The following CYP19A1 variants were observed in gnomAD, a reference collection of about 807,000 sequenced individuals.
CYP19A1 encodes the protein aromatase.
In CYP19A1, 32 loss-of-function variants were observed where a neutral mutation model predicts 44.4. The ratio of observed to expected loss-of-function variants is 0.72; its 90% CI spans 0.54 to 0.97. The LOEUF is 0.97. Among genes scored for constraint, CYP19A1 ranks in the 50% least tolerant of loss-of-function variants. The pLI is 0.00. For missense variants in CYP19A1, 598 were observed against 637.8 expected (o/e 0.94, Z 0.67); for synonymous variants, 212 against 215.6 (o/e 0.98, Z 0.14).
intron 1 of CYP19A1, among the ~76,000 whole-genome samples, chr15:51,310,478 G>C (rs1292747158): frequency 6.6e-6 from 1 of 152,176 alleles, no homozygotes; most frequent in Non-Finnish European, 1.5e-5. Context: ...AAAGTGTGGG[G>C]AAAATCTTTG....
chr15:51,218,580 A>C lies in CYP19A1; in HGVS notation c.704T>G (p.Phe235Cys). 6.2e-7 allele frequency: 1 copy of C among 1,613,852 alleles called. No individual in the cohort carries two copies. Residue 235 changes from phenylalanine (F) to cysteine (C), a missense_variant, in exon 6 of 10, where the codon TTT becomes TGT. Phe to Cys is a radical substitution (Grantham distance 205). Coordinates refer to ENST00000396402, the MANE Select transcript of CYP19A1 (RefSeq NM_000103.4). The stretch of plus-strand genomic sequence containing the variant: ...CTTTTTGTATAGCCAAGAAATCTTA[A>C]AGAAGATGTCTGGTTTGATGAGGAG... ...QALLIKPDIF[F>C]KISWLYKKYE... is the part of the protein sequence containing the mutation.
At position 51,242,939 on chromosome 15, in the gene CYP19A1, C is replaced by A; in HGVS notation, c.-27G>T. On this transcript the variant is annotated 5_prime_UTR_variant, in exon 2 of 10. Coordinates refer to ENST00000396402, the MANE Select transcript of CYP19A1 (RefSeq NM_000103.4). ...TTGTGTTCCTTGACCTCAGAGGGGG[C>A]AATTTAGAGTCCTGTGGAAATCAAA... 1 of 1,557,958 alleles carries A rather than the reference C, an allele frequency of 6.4e-7. No individual in the cohort carries two copies. The highest frequency in any genetic ancestry group is 1.4e-5 in the African/African-American group (1 of 73,904).
chr15:51,332,040 C>T (rs1265622341), intron 1 of CYP19A1, among the ~76,000 whole-genome samples: 1 of 152,008 alleles, frequency 6.6e-6, no homozygotes, highest in Non-Finnish European at 1.5e-5. Context: ...TAATTCTATT[C>T]ACATTTAATA....
rs1412429147 is a variant in CYP19A1 at position 51,216,073 on chromosome 15, G to A, written c.744-256C>T. 2.2e-5 allele frequency: 13 copies of A among 586,460 alleles called. No homozygotes were observed. In the East Asian group the frequency reaches 5.4e-4, roughly 24 times the overall value. 36.3% of individuals were successfully genotyped at this position (586,460 alleles called of 1,614,324 possible). On this transcript the variant is annotated intron_variant, in intron 6 of 9. Transcript: ENST00000396402. Reference sequence around the variant, plus strand: ...AATCAAGCCTGTGACTTCTAGTTAAGGGTTAAAAATTGATATCAAAAGGCT... The same window carrying A: ...AATCAAGCCTGTGACTTCTAGTTAAAGGTTAAAAATTGATATCAAAAGGCT...
intron 1 of CYP19A1, among the ~76,000 whole-genome samples, chr15:51,327,488 T>C (rs2036629316): frequency 6.6e-6 from 1 of 152,124 alleles, no homozygotes; most frequent in African/African-American, 2.4e-5. Flanking sequence ...CATTTGACAT[T>C]GTTCTTTTTT....
chr15:51,221,917 A>C (rs781676281), intron 5 of CYP19A1: 78 of 198,492 alleles, frequency 3.9e-4, no homozygotes, highest in Non-Finnish European at 6.8e-4. Context: ...CAATGTTTTC[A>C]TGTTTAGTAG....
intron 1 of CYP19A1, among the ~76,000 whole-genome samples, chr15:51,283,946 TC>T (rs1412182175): frequency 2.0e-5 from 3 of 152,106 alleles, no homozygotes; most frequent in African/African-American, 7.2e-5. Context: ...CCAAAAAAGG[TC>T]CCTACGGGAG....
chr15:51,214,044 C>T (rs553900267), intron 8 of CYP19A1, among the ~76,000 whole-genome samples: 6 of 152,286 alleles, frequency 3.9e-5, no homozygotes, highest in South Asian at 4.1e-4. Context: ...TTTAACCCTT[C>T]GATGAAATTT....
At chr15:51,232,497 A>T (rs1468756476) in intron 3 of CYP19A1, among the ~76,000 whole-genome samples, 1 of 152,036 alleles carries the variant, frequency 6.6e-6, no homozygotes, top group Non-Finnish European at 1.5e-5. Context: ...CTACTCAATC[A>T]TCCCACTCAG....
chr15:51,242,789 C>T lies in CYP19A1; in HGVS notation c.124G>A (p.Glu42Lys), dbSNP rs1308017127. 1 of 1,576,814 alleles carries T rather than the reference C, an allele frequency of 6.3e-7. No homozygotes were observed. Residue 42 changes from glutamate (E) to lysine (K), a missense_variant, in exon 2 of 10, where the codon GAG becomes AAG. Physicochemically the swap from Glu to Lys is moderately conservative, Grantham distance 56. Transcript: ENST00000396402. ...TTACCTGGTATTGAGGATGTGCCCT[C>T]ATAATTCCACACCAAGAGAAAAAGG... The part of the protein sequence containing the change: ...TGLFLLVWNY[E>K]GTSSIPGPGY...
In CYP19A1 at chr15:51,236,899, G is replaced by T; in HGVS notation, c.256C>A (p.Arg86=). ...GTTTCCTCTCCAGAGATCCAGACTCGCATGAATTCTCCATATACCCGGTTG... is the reference window on the plus strand; with the variant it reads ...GTTTCCTCTCCAGAGATCCAGACTCTCATGAATTCTCCATATACCCGGTTG... The part of the protein sequence containing the change: ...YYNRVYGEFM[R]VWISGEETLI... Residue 86 remains arginine, a synonymous_variant, in exon 3 of 10, where the codon CGA becomes AGA. Coordinates refer to ENST00000396402, the MANE Select transcript of CYP19A1 (RefSeq NM_000103.4). The T allele has an allele frequency of 6.8e-6, 11 of 1,614,124 alleles. No individual in the cohort carries two copies. The highest frequency in any genetic ancestry group is 8.5e-6 in the Non-Finnish European group (10 of 1,180,004).
rs555356269 is a variant in CYP19A1 at position 51,288,104 on chromosome 15, T to G, written c.-38-45154A>C. Among the ~76,000 whole-genome samples the G allele has an allele frequency of 5.9e-5, 9 of 152,308 alleles. No individual in the cohort carries two copies. The East Asian group carries it at 1.7e-3, about 29-fold the overall frequency. ...CTCAAGAGTAAGGACCATGTCTTAC[T>G]CATCTTCCTATCCCTGGCCTGCTGG... On this transcript the variant is annotated intron_variant, in intron 1 of 9. Transcript: ENST00000396402.
At position 51,288,532 on chromosome 15, in the gene CYP19A1, G is replaced by A. The variant is rs762248417; in HGVS notation, c.-38-45582C>T. 1.1e-4 allele frequency among the ~76,000 whole-genome samples: 16 copies of A among 152,226 alleles called. 1 individual carries two copies. The highest frequency in any genetic ancestry group is 7.8e-4 in the Admixed American group (12 of 15,288). On this transcript the variant is annotated intron_variant, in intron 1 of 9. Transcript: ENST00000396402. ...TTCCTCATTTCAGATAAGCAGTCTG[G>A]TAAGTGCTCCATCCTCTCACCCTTT... is the stretch of plus-strand genomic sequence containing the variant.
chr15:51,288,398 C>T (rs2035759535), intron 1 of CYP19A1, among the ~76,000 whole-genome samples: 1 of 152,190 alleles, frequency 6.6e-6, no homozygotes, highest in Non-Finnish European at 1.5e-5. Context: ...TCCACAGCTG[C>T]TACTTGAGTC....
intron 1 of CYP19A1, among the ~76,000 whole-genome samples, chr15:51,327,412 C>G (rs2036624292): frequency 6.6e-6 from 1 of 152,152 alleles, no homozygotes; most frequent in East Asian, 1.9e-4. Flanking sequence ...ATGAGTAGAG[C>G]CATCTAATGT....
chr15:51,240,846 T>A (rs1265417180), intron 2 of CYP19A1, among the ~76,000 whole-genome samples: 12 of 152,306 alleles, frequency 7.9e-5, no homozygotes. Flanking sequence ...CATTCACTTG[T>A]AAAACGACAA....
At position 51,212,267 on chromosome 15, in the gene CYP19A1, A is replaced by C. The variant is rs1399552450; in HGVS notation, c.1263+53T>G. The stretch of plus-strand genomic sequence containing the variant: ...AAACACAAAGAACCAGAGAGGATTT[A>C]ACAGTTGACATTTTCAAGAGTGGCA... On this transcript the variant is annotated intron_variant, in intron 9 of 9. Transcript: ENST00000396402. 1.2e-5 allele frequency: 15 copies of C among 1,271,040 alleles called. No individual in the cohort carries two copies. The East Asian group carries it at 3.5e-4, about 29-fold the overall frequency. 78.7% of individuals were successfully genotyped at this position (1,271,040 alleles called of 1,614,324 possible). A position where few individuals can be genotyped will look rare whatever the true frequency, so the allele number is the denominator to read the frequency against.
rs375556800 is a variant in CYP19A1, at chr15:51,294,978, G to T, written c.-39+43517C>A. 4.8e-5 allele frequency among the ~76,000 whole-genome samples: 7 copies of T among 144,480 alleles called. No individual in the cohort carries two copies. In the East Asian group the frequency reaches 1.2e-3, roughly 25 times the overall value. 94.8% of individuals were successfully genotyped at this position (144,480 alleles called of 152,430 possible). On this transcript the variant is annotated intron_variant, in intron 1 of 9. Coordinates refer to ENST00000396402, the MANE Select transcript of CYP19A1 (RefSeq NM_000103.4). ...GACTTTTCATTTTGTTCTGTACTAAGAAAAATTCTTCTGCCTTGGGGAAAA... is the reference window on the plus strand; with the variant it reads ...GACTTTTCATTTTGTTCTGTACTAATAAAAATTCTTCTGCCTTGGGGAAAA...
intron 1 of CYP19A1, among the ~76,000 whole-genome samples, chr15:51,272,391 G>T (rs2035160073): frequency 6.6e-6 from 1 of 152,166 alleles, no homozygotes; most frequent in African/African-American, 2.4e-5. Context: ...CCAGCATCTA[G>T]ACCAGTGCCA....
Sources: gnomAD v4.1 joint callset for allele counts (sites outside exome capture counted in the v4.1 genomes callset) on GRCh38, gnomAD v4.1.1 for gene constraint, MANE v1.5 for transcripts, NCBI Gene and HGNC (gene_info 2026-07-23, HGNC 2026-07-21) for gene names.